EDA: variants seen among roughly 807,000 people sequenced by gnomAD.
EDA encodes ectodysplasin-A.
Under a neutral mutation model 23.6 loss-of-function variants are expected in EDA, and 2 were observed. The ratio of observed to expected loss-of-function variants is 0.08; its 90% CI spans 0.03 to 0.27. The LOEUF (loss-of-function observed/expected upper bound fraction) is 0.27, where lower values mean the gene tolerates loss of function less well. EDA is among the 10% of genes least tolerant of loss of function. EDA has a pLI of 1.00. For missense variants in EDA, 229 were observed against 324.2 expected (o/e 0.71, Z 2.26); for synonymous variants, 131 against 132.0 (o/e 0.99, Z 0.05).
rs1381905523 is a variant in EDA, at chrX:69,982,321, C to T, written c.502+25189C>T. 3.6e-5 allele frequency among the ~76,000 whole-genome samples: 4 copies of T among 111,170 alleles called. No homozygotes were observed. The South Asian group carries it at 1.1e-3, about 32-fold the overall frequency. ...GGCACAAGGAACAAAGTTTCCCTGC[C>T]GCTTACATCTTTCCCCCCAAGAAAC... On this transcript the variant is annotated intron_variant, in intron 2 of 7. Transcript: ENST00000374552.
chrX:69,835,579 T>C (rs766691970), intron 1 of EDA, among the ~76,000 whole-genome samples: 1 of 111,984 alleles, frequency 8.9e-6, no homozygotes, highest in South Asian at 3.8e-4. Flanking sequence ...ATTTAAGGTC[T>C]TCTCTACACT....
In EDA at chrX:69,788,085, G is replaced by A. The variant is rs780131669; in HGVS notation, c.397-168942G>A. ...ACCCTTTCTTCCAGTTGATCACATC[G>A]GCTCCTGAGGCTTCTGCATTCTTCA... is the stretch of plus-strand genomic sequence containing the variant. On this transcript the variant is annotated intron_variant, in intron 1 of 7. Transcript: ENST00000374552. Among the ~76,000 whole-genome samples, 648 of 110,404 alleles carry A rather than the reference G, an allele frequency of 5.9e-3. 11 individuals carry two copies. Among genetic ancestry groups the A allele is most frequent in the African/African-American group, 0.02 (603 of 30,357 alleles).
At position 69,887,463 on chromosome X, in the gene EDA, C is replaced by G. The variant is rs1156821636; in HGVS notation, c.397-69564C>G. On this transcript the variant is annotated intron_variant, in intron 1 of 7. Transcript: ENST00000374552. ...CAATAGAGAGCTTCAACAGCAGACT[C>G]CATCATACAGAAGAATTAGCACACT... Among the ~76,000 whole-genome samples the G allele has an allele frequency of 2.7e-5, 3 of 111,515 alleles. No individual in the cohort carries two copies. The South Asian group carries it at 1.1e-3, about 42-fold the overall frequency.
chrX:69,620,492 C>T (rs1266914600), intron 1 of EDA: 2 of 131,736 alleles, frequency 1.5e-5, no homozygotes, highest in South Asian at 2.4e-4. Flanking sequence ...AGGAATCATT[C>T]GAGGTGATTC....
At chrX:69,759,509 G>A (rs780163444) in intron 1 of EDA, among the ~76,000 whole-genome samples, 1 of 112,003 alleles carries the variant, frequency 8.9e-6, no homozygotes, top group Non-Finnish European at 1.9e-5. Flanking sequence ...ACGTGACTCA[G>A]TGGATAATTC....
At chrX:69,619,519 G>C (rs1359718673) in intron 1 of EDA, among the ~76,000 whole-genome samples, 1 of 112,184 alleles carries the variant, frequency 8.9e-6, no homozygotes, top group African/African-American at 3.2e-5. Flanking sequence ...AGAGCAGAGA[G>C]ATCAGCACAG....
intron 1 of EDA, among the ~76,000 whole-genome samples, chrX:69,797,244 A>G (rs1326051630): frequency 9.0e-6 from 1 of 111,389 alleles, no homozygotes; most frequent in East Asian, 2.8e-4. Flanking sequence ...GAGGTCCCCA[A>G]ACACATACAT....
chrX:70,002,824 A>G, intron 2 of EDA, among the ~76,000 whole-genome samples: 1 of 112,288 alleles, frequency 8.9e-6, no homozygotes, highest in East Asian at 2.8e-4. Flanking sequence ...AAAACAACAC[A>G]TAATCAAGTT....
intron 1 of EDA, chrX:69,617,623 G>A (rs1230012209): frequency 7.9e-6 from 2 of 253,970 alleles, no homozygotes; most frequent in Non-Finnish European, 1.5e-5. Flanking sequence ...AGTAAATTTC[G>A]TTCACTTAAC....
intron 1 of EDA, among the ~76,000 whole-genome samples, chrX:69,655,787 T>TCTATATATATCTATATATATATA (rs6151315): frequency 1.1e-5 from 1 of 88,392 alleles, no homozygotes; most frequent in African/African-American, 4.7e-5. Flanking sequence ...TATATATATA[T>TCTATATATATCTATATATATATA]TGCACTTTGT....
At chrX:69,941,154 T>C (rs1349234075) in intron 1 of EDA, among the ~76,000 whole-genome samples, 3 of 112,102 alleles carry the variant, frequency 2.7e-5, no homozygotes, top group Non-Finnish European at 5.7e-5. Context: ...ATTTCAAGTT[T>C]TTGAATGTTT....
chrX:69,770,575 AT>A (rs923523577), intron 1 of EDA, among the ~76,000 whole-genome samples: 8 of 110,734 alleles, frequency 7.2e-5, no homozygotes, highest in Admixed American at 1.9e-4. Flanking sequence ...TTCTAATGGG[AT>A]TTTTTTTAAC....
At chrX:69,750,166 CT>C (rs2013782505) in intron 1 of EDA, among the ~76,000 whole-genome samples, 1 of 60,385 alleles carries the variant, frequency 1.7e-5, no homozygotes, top group Non-Finnish European at 3.0e-5. Context: ...ATCCCTCCCC[CT>C]CCCCCTCCCC....
chrX:69,795,223 G>A (rs998834526), intron 1 of EDA, among the ~76,000 whole-genome samples: 2 of 110,549 alleles, frequency 1.8e-5, no homozygotes, highest in African/African-American at 6.6e-5. Flanking sequence ...ACAGAGTCTC[G>A]CTATGTTGCC....
intron 1 of EDA, among the ~76,000 whole-genome samples, chrX:69,638,832 C>T (rs1459775455): frequency 1.8e-5 from 2 of 111,498 alleles, no homozygotes; most frequent in Non-Finnish European, 3.8e-5. Flanking sequence ...AGTGGCATTA[C>T]GTACATTCAC....
intron 1 of EDA, among the ~76,000 whole-genome samples, chrX:69,712,406 G>C (rs1305560450): frequency 9.0e-6 from 1 of 111,572 alleles, no homozygotes; most frequent in African/African-American, 3.3e-5. Context: ...CGAAGGATAT[G>C]AACAGACACT....
intron 1 of EDA, among the ~76,000 whole-genome samples, chrX:69,904,093 G>A (rs947307894): frequency 9.0e-6 from 1 of 111,000 alleles, no homozygotes; most frequent in Non-Finnish European, 1.9e-5. Flanking sequence ...TTACAGGCGT[G>A]AGCCACCACC....
chrX:69,750,630 G>T (rs1295342880), intron 1 of EDA, among the ~76,000 whole-genome samples: 5 of 111,359 alleles, frequency 4.5e-5, no homozygotes, highest in African/African-American at 1.6e-4. Context: ...CTAGTTTACA[G>T]TCCTACCAAC....
chrX:69,965,612 C>T (rs958909418), intron 2 of EDA, among the ~76,000 whole-genome samples: 7 of 111,972 alleles, frequency 6.3e-5, no homozygotes, highest in African/African-American at 1.9e-4. Flanking sequence ...TTTAGGAACT[C>T]ATTAAATATG....
Sources: gnomAD v4.1 joint callset for allele counts (sites outside exome capture counted in the v4.1 genomes callset) on GRCh38, gnomAD v4.1.1 for gene constraint, MANE v1.5 for transcripts, NCBI Gene and HGNC (gene_info 2026-07-23, HGNC 2026-07-21) for gene names.